Variants in SLC5A10 observed in about 807,000 individuals in gnomAD.
SLC5A10 encodes the protein sodium/mannose cotransporter SLC5A10.
SLC5A10 carries 55 observed loss-of-function variants against 68.9 expected under a neutral mutation model. That is an observed-to-expected ratio of 0.80 (90% confidence interval 0.64 to 1.00). The LOEUF (loss-of-function observed/expected upper bound fraction) is 1.00. SLC5A10 is among the 50% of genes least tolerant of loss of function. The pLI is 0.00. For synonymous variants in SLC5A10, 344 were observed against 344.8 expected (o/e 1.00, Z 0.02); for missense variants, 732 against 819.3 (o/e 0.89, Z 1.30).
At chr17:18,978,617 G>A in intron 9 of SLC5A10, 7 of 1,613,198 alleles carry the variant, frequency 4.3e-6, no homozygotes, top group African/African-American at 1.3e-5. Context: ...CTTGACAAGT[G>A]CGTACTTGGG....
At chr17:18,987,358 A>C (rs2043295780) in intron 9 of SLC5A10, among the ~76,000 whole-genome samples, 1 of 152,202 alleles carries the variant, frequency 6.6e-6, no homozygotes, top group Non-Finnish European at 1.5e-5. Flanking sequence ...TAAATTAACC[A>C]ATGCAAAGTG....
At chr17:18,984,552 C>T (rs1197051384) in intron 9 of SLC5A10, among the ~76,000 whole-genome samples, 8 of 152,230 alleles carry the variant, frequency 5.3e-5, no homozygotes, top group Non-Finnish European at 1.0e-4. Flanking sequence ...CCAGCTGATG[C>T]TTCTTTGTTC....
intron 9 of SLC5A10, among the ~76,000 whole-genome samples, chr17:18,989,661 C>A (rs545804787): frequency 1.3e-5 from 2 of 152,212 alleles, no homozygotes; most frequent in South Asian, 4.1e-4. Context: ...GGGGCTGGGG[C>A]GGGGGCTCGG....
intron 1 of SLC5A10, among the ~76,000 whole-genome samples, chr17:18,953,128 CTTTTTTTTT>C (rs34638037): frequency 5.6e-5 from 7 of 125,254 alleles, no homozygotes; most frequent in Non-Finnish European, 9.9e-5. Flanking sequence ...AGTACCCCTT[CTTTTTTTTT>C]TTTTTTTTTT....
intron 9 of SLC5A10, among the ~76,000 whole-genome samples, chr17:18,984,969 T>C (rs1484337332): frequency 6.6e-6 from 1 of 152,174 alleles, no homozygotes; most frequent in Non-Finnish European, 1.5e-5. Context: ...TGCACGCTGC[T>C]CCCACCTCAC....
Position 19,003,622 on chromosome 17 carries a change from G to A in SLC5A10, c.983-9788G>A. ...CGCTAGCCCGGGTCACGCCGCGGTA[G>A]GCGATGGTGTCGGGCCAGCCCAGGT... On this transcript the variant is annotated intron_variant, in intron 9 of 14. Coordinates refer to ENST00000395645, the MANE Select transcript of SLC5A10 (RefSeq NM_001042450.4). The surrounding 1 kb of genome is among the most constrained non-coding windows in gnomAD (Gnocchi z 4.5). 2 of 1,612,288 alleles carry A rather than the reference G, an allele frequency of 1.2e-6. No individual in the cohort carries two copies. The highest frequency in any genetic ancestry group is 2.2e-5 in the South Asian group (2 of 90,966).
chr17:19,015,197 A>ACGGTACGGGGGTGGGAGC lies in SLC5A10; in HGVS notation c.1241+13_1241+14insAGCCGGTACGGGGGTGGG. The stretch of plus-strand genomic sequence containing the variant: ...GCGAGCGGGAGCTCCTGCTGGTGGG[A>ACGGTACGGGGGTGGGAGC]CGGTACGGGGGTGGGGGCCAGTACG... On this transcript the variant is annotated inframe_insertion and splice_region_variant, in exon 11 of 15. Coordinates refer to ENST00000395645, the MANE Select transcript of SLC5A10 (RefSeq NM_001042450.4). 1.1e-6 allele frequency: 1 copy of ACGGTACGGGGGTGGGAGC among 907,518 alleles called. No individual in the cohort carries two copies. Among genetic ancestry groups the ACGGTACGGGGGTGGGAGC allele is most frequent in the Non-Finnish European group, 1.7e-6 (1 of 594,038 alleles). 56.2% of individuals were successfully genotyped at this position (907,518 alleles called of 1,614,324 possible).
chr17:18,960,180 C>T (rs2042583849), intron 4 of SLC5A10, among the ~76,000 whole-genome samples: 1 of 152,214 alleles, frequency 6.6e-6, no homozygotes, highest in Admixed American at 6.5e-5. Context: ...CCCAGCTCTG[C>T]CCCTCACAGC....
chr17:18,978,910 C>T (rs374622468), intron 9 of SLC5A10: 4 of 1,579,290 alleles, frequency 2.5e-6, no homozygotes, highest in Non-Finnish European at 3.4e-6. Flanking sequence ...CGCCCAGCCC[C>T]CGTGCACCCA....
intron 9 of SLC5A10, among the ~76,000 whole-genome samples, chr17:18,984,271 G>A (rs1199181309): frequency 6.7e-6 from 1 of 149,408 alleles, no homozygotes; most frequent in African/African-American, 2.5e-5. Context: ...GAACCCGGGA[G>A]GCAGAGCTTG....
In SLC5A10 at chr17:19,013,481, G is replaced by A. The variant is rs370149434; in HGVS notation, c.1054G>A (p.Ala352Thr). The A allele has an allele frequency of 2.9e-5, 46 of 1,573,070 alleles. No homozygotes were observed. The highest frequency in any genetic ancestry group is 3.5e-5 in the Non-Finnish European group (41 of 1,159,704). ...GGCCGAGGTCGGCTGCTCCAACATCGCCTACCCCAAGCTGGTCATGGAACT... is the reference window on the plus strand; with the variant it reads ...GGCCGAGGTCGGCTGCTCCAACATCACCTACCCCAAGCTGGTCATGGAACT... Reference protein sequence around the residue: ...CGAEVGCSNIAYPKLVMELMP... With the variant: ...CGAEVGCSNITYPKLVMELMP... The change falls in exon 10 of 15, where the codon GCC (alanine) becomes ACC (threonine). Residue 352 changes from alanine (A) to threonine (T), a missense_variant. Coordinates refer to ENST00000395645, the MANE Select transcript of SLC5A10 (RefSeq NM_001042450.4).
rs187367316 is a variant in SLC5A10 at position 19,003,292 on chromosome 17, G to A, written c.983-10118G>A. 1.4e-3 allele frequency among the ~76,000 whole-genome samples: 218 copies of A among 151,886 alleles called. No individual in the cohort carries two copies. Among genetic ancestry groups the A allele is most frequent in the Admixed American group, 1.8e-3 (27 of 15,258 alleles). Reference sequence around the variant, plus strand: ...ACAATAAAGAGGCCCTTTGAGACGGGGCAGCCCACTGTCACCTGCTAGGAC... The same window carrying A: ...ACAATAAAGAGGCCCTTTGAGACGGAGCAGCCCACTGTCACCTGCTAGGAC... On this transcript the variant is annotated intron_variant, in intron 9 of 14. Coordinates refer to ENST00000395645, the MANE Select transcript of SLC5A10 (RefSeq NM_001042450.4). This position sits in a 1 kb window ranked among gnomAD's most constrained non-coding sequence, Gnocchi z 4.5.
At position 19,006,861 on chromosome 17, in the gene SLC5A10, T is replaced by C. The variant is rs74987634; in HGVS notation, c.983-6549T>C. ...TCATCCAGGTTGTTTCATGGATCAA[T>C]GGTTTGTGCTTTTCATTGCTGACTA... On this transcript the variant is annotated intron_variant, in intron 9 of 14. Transcript: ENST00000395645. 0.011 allele frequency among the ~76,000 whole-genome samples: 1,654 copies of C among 152,372 alleles called. 122 individuals carry two copies. The East Asian group carries it at 0.19, about 18-fold the overall frequency.
At chr17:18,969,025 C>A in intron 5 of SLC5A10, 27 bp from the exon 6 acceptor site, 1 of 1,599,714 alleles carries the variant, frequency 6.3e-7, no homozygotes. Flanking sequence ...GAATAACAGT[C>A]CCACACAAGG....
In SLC5A10 at chr17:18,968,883, C is replaced by T; in HGVS notation, c.454-169C>T. 1.6e-6 allele frequency: 1 copy of T among 616,826 alleles called. No individual in the cohort carries two copies. Among genetic ancestry groups the T allele is most frequent in the Non-Finnish European group, 2.8e-6 (1 of 355,130 alleles). The allele number at this position is 616,826 out of a possible 1,614,324, so 38.2% of individuals were successfully genotyped here. A position where few individuals can be genotyped will look rare whatever the true frequency, so the allele number is the denominator to read the frequency against. On this transcript the variant is annotated intron_variant, in intron 5 of 14. Coordinates refer to ENST00000395645, the MANE Select transcript of SLC5A10 (RefSeq NM_001042450.4). The surrounding 1 kb of genome is among the most constrained non-coding windows in gnomAD (Gnocchi z 4.1). ...TTGTAGCTCCACGGCCAGGTCTTCC[C>T]CCAACCTCACAATGGCCCCGTGATG...
intron 9 of SLC5A10, among the ~76,000 whole-genome samples, chr17:19,007,048 A>G (rs1283305189): frequency 6.6e-6 from 1 of 152,232 alleles, no homozygotes; most frequent in East Asian, 1.9e-4. Flanking sequence ...TAAGTGCCCA[A>G]GAGTGTTATT....
At chr17:18,982,599 G>T (rs1036056991) in intron 9 of SLC5A10, among the ~76,000 whole-genome samples, 1 of 152,158 alleles carries the variant, frequency 6.6e-6, no homozygotes, top group African/African-American at 2.4e-5. Context: ...GAGGACGGCC[G>T]GGTGGTGCTT....
At position 19,021,511 on chromosome 17, in the gene SLC5A10, C is replaced by A. The variant is rs1171775663; in HGVS notation, c.*1080C>A. 3.6e-6 allele frequency: 1 copy of A among 276,840 alleles called. No individual in the cohort carries two copies. Among genetic ancestry groups the A allele is most frequent in the Admixed American group, 5.3e-5 (1 of 18,814 alleles). 17.1% of individuals were successfully genotyped at this position (276,840 alleles called of 1,614,324 possible). A position where few individuals can be genotyped will look rare whatever the true frequency, so the allele number is the denominator to read the frequency against. On this transcript the variant is annotated 3_prime_UTR_variant, in exon 15 of 15. Transcript: ENST00000395645. The surrounding 1 kb of genome is among the most constrained non-coding windows in gnomAD (Gnocchi z 4.1). ...CTGAGCCACCTCCCAACAGCCTGAA[C>A]AACTCCAGGGGCCTTTTGAGGGAGG... is the stretch of plus-strand genomic sequence containing the variant.
At chr17:19,006,949 G>A (rs929116107) in intron 9 of SLC5A10, among the ~76,000 whole-genome samples, 2 of 152,118 alleles carry the variant, frequency 1.3e-5, no homozygotes, top group African/African-American at 4.8e-5. Flanking sequence ...AGGATATGTG[G>A]GGTTTCCAGC....
Sources: allele counts gnomAD v4.1 joint callset (sites outside exome capture counted in the v4.1 genomes callset), GRCh38; gene constraint gnomAD v4.1.1; non-coding constraint Gnocchi (gnomAD v3.1); transcripts MANE v1.5; gene names NCBI Gene and HGNC (gene_info 2026-07-23, HGNC 2026-07-21).